Variants in SLC27A2 observed in about 807,000 individuals in gnomAD.
SLC27A2 encodes the protein solute carrier family 27 member 2, also known as long-chain fatty acid transport protein 2.
Under a neutral mutation model 60.0 loss-of-function variants are expected in SLC27A2, and 54 were observed. The ratio of observed to expected loss-of-function variants is 0.90; its 90% CI spans 0.72 to 1.13. The LOEUF is 1.13. Among genes scored for constraint, SLC27A2 ranks in the 50% most tolerant of loss-of-function variants. The pLI is 0.00. For missense variants in SLC27A2, 739 were observed against 777.6 expected (o/e 0.95, Z 0.59); for synonymous variants, 297 against 297.6 (o/e 1.00, Z 0.02).
rs764669140 is a variant in SLC27A2 at position 50,202,454 on chromosome 15, T to C, written c.689-33T>C. 31 of 1,611,816 alleles carry C rather than the reference T, an allele frequency of 1.9e-5. 1 individual carries two copies. In the South Asian group the frequency reaches 3.4e-4, roughly 18 times the overall value. On this transcript the variant is annotated intron_variant, in intron 2 of 9. Coordinates refer to ENST00000267842, the MANE Select transcript of SLC27A2 (RefSeq NM_003645.4). ...CTACACTGTAAATGCCCAATCTTGG[T>C]TAACTCATGCCTTCTCTTGTATATT...
In SLC27A2 at chr15:50,205,340, C is replaced by A. The variant is rs764110560; in HGVS notation, c.949C>A (p.Arg317=). 3 of 1,607,432 alleles carry A rather than the reference C, an allele frequency of 1.9e-6. No individual in the cohort carries two copies. The highest frequency in any genetic ancestry group is 2.6e-6 in the Non-Finnish European group (3 of 1,175,826). ...CATTCAGTATATCGGTGAACTGCTT[C>A]GGTATTTATGCAACTCACCACAGGT... ...TVIQYIGELL[R]YLCNSPQKPN... is the part of the protein sequence containing the mutation. The change falls in exon 4 of 10, where the codon CGG becomes AGG. Residue 317 remains arginine, a synonymous_variant. Transcript: ENST00000267842.
Position 50,223,208 on chromosome 15 carries a change from A to G in SLC27A2, c.1167+49A>G, listed in dbSNP as rs780561614. On this transcript the variant is annotated intron_variant, in intron 5 of 9. Transcript: ENST00000267842. ...CATACGTAGCCAGTTTTCAGAATAC[A>G]GAGACTTCTTAAAAGCCAAGTCATG... The G allele has an allele frequency of 2.8e-6, 4 of 1,405,872 alleles. No homozygotes were observed. The African/African-American group carries it at 5.7e-5, about 20-fold the overall frequency. 87.1% of individuals were successfully genotyped at this position (1,405,872 alleles called of 1,614,324 possible).
rs748178970 is a variant in SLC27A2 at position 50,197,651 on chromosome 15, G to C, written c.630G>C (p.Trp210Cys). 2 of 1,614,060 alleles carry C rather than the reference G, an allele frequency of 1.2e-6. No individual in the cohort carries two copies. Among genetic ancestry groups the C allele is most frequent in the Non-Finnish European group, 1.7e-6 (2 of 1,179,986 alleles). ...CAACTGAACCTATCCCAGAGTCATG[G>C]AGGTCTGAAGTCACTTTTTCCACTC... ...EVSTEPIPES[W>C]RSEVTFSTPA... Residue 210 changes from tryptophan (W) to cysteine (C), a missense_variant, in exon 2 of 10, where the codon TGG becomes TGC. Coordinates refer to ENST00000267842, the MANE Select transcript of SLC27A2 (RefSeq NM_003645.4).
At chr15:50,215,896 A>C (rs925502153) in intron 4 of SLC27A2, among the ~76,000 whole-genome samples, 1 of 152,194 alleles carries the variant, frequency 6.6e-6, no homozygotes, top group Non-Finnish European at 1.5e-5. Context: ...CTAGACATTG[A>C]CTTAGGCAAG....
chr15:50,196,292 T>C (rs1408629465), intron 1 of SLC27A2, among the ~76,000 whole-genome samples: 1 of 151,002 alleles, frequency 6.6e-6, no homozygotes, highest in East Asian at 1.9e-4. Flanking sequence ...GAAATACTTT[T>C]GTGCGTGACC....
intron 8 of SLC27A2, among the ~76,000 whole-genome samples, chr15:50,229,304 T>C (rs796790048): frequency 3.7e-4 from 56 of 152,330 alleles, no homozygotes; most frequent in African/African-American, 1.3e-3. Context: ...GGGAGCTCCA[T>C]GCCACATTTG....
intron 4 of SLC27A2, among the ~76,000 whole-genome samples, chr15:50,215,882 C>G (rs1347819893): frequency 1.3e-5 from 2 of 152,130 alleles, no homozygotes; most frequent in Admixed American, 1.3e-4. Flanking sequence ...TTGGAAAAAC[C>G]CTTCTAGACA....
intron 8 of SLC27A2, among the ~76,000 whole-genome samples, chr15:50,232,230 G>C (rs1273741344): frequency 6.6e-6 from 1 of 152,164 alleles, no homozygotes; most frequent in East Asian, 1.9e-4. Flanking sequence ...GGCCTGGAGA[G>C]GAGTTCACTT....
chr15:50,201,764 C>T lies in SLC27A2; in HGVS notation c.689-723C>T, dbSNP rs575863298. ...TAGAGACGGGGTTTCACCATGTTAGCCAGGATGGTCTTGATCTCCTGACCT... is the reference window on the plus strand; with the variant it reads ...TAGAGACGGGGTTTCACCATGTTAGTCAGGATGGTCTTGATCTCCTGACCT... On this transcript the variant is annotated intron_variant, in intron 2 of 9. Coordinates refer to ENST00000267842, the MANE Select transcript of SLC27A2 (RefSeq NM_003645.4). Among the ~76,000 whole-genome samples, 8 of 152,130 alleles carry T rather than the reference C, an allele frequency of 5.3e-5. No individual in the cohort carries two copies. In the South Asian group the frequency reaches 1.7e-3, roughly 32 times the overall value.
chr15:50,214,891 C>T (rs555247729), intron 4 of SLC27A2, among the ~76,000 whole-genome samples: 77 of 152,226 alleles, frequency 5.1e-4, no homozygotes, highest in African/African-American at 1.9e-3. Context: ...AGCATTCCCC[C>T]TGAGAACTGG....
chr15:50,196,124 ATG>A, intron 1 of SLC27A2, among the ~76,000 whole-genome samples: 2 of 101,990 alleles, frequency 2.0e-5, no homozygotes, highest in Non-Finnish European at 3.9e-5. Context: ...ATATATATAT[ATG>A]TATGTACATT....
chr15:50,186,793 C>T lies in SLC27A2; in HGVS notation c.478+3888C>T, dbSNP rs116675140. 1.0e-3 allele frequency among the ~76,000 whole-genome samples: 156 copies of T among 152,318 alleles called. 1 individual carries two copies. Among genetic ancestry groups the T allele is most frequent in the African/African-American group, 3.6e-3 (150 of 41,574 alleles). On this transcript the variant is annotated intron_variant, in intron 1 of 9. Transcript: ENST00000267842. The stretch of plus-strand genomic sequence containing the variant: ...GCCTAGAGGGATGATATGAATTGCC[C>T]ATGATCAAGTGGATAGTTAGGAACA...
At chr15:50,223,368 G>A (rs2045257759) in intron 5 of SLC27A2, among the ~76,000 whole-genome samples, 1 of 152,172 alleles carries the variant, frequency 6.6e-6, no homozygotes, top group Admixed American at 6.5e-5. Context: ...CTTCTATTAA[G>A]AACAATCCAT....
At chr15:50,231,487 TTTATG>T (rs1197584137) in intron 8 of SLC27A2, among the ~76,000 whole-genome samples, 2 of 152,006 alleles carry the variant, frequency 1.3e-5, no homozygotes, top group Non-Finnish European at 2.9e-5. Flanking sequence ...AATGATAAAT[TTTATG>T]TTATGTGTTT....
At chr15:50,218,060 CAAAAAAAAAAAAA>C (rs34661754) in intron 4 of SLC27A2, among the ~76,000 whole-genome samples, 2 of 63,898 alleles carry the variant, frequency 3.1e-5, no homozygotes, top group African/African-American at 1.4e-4. Context: ...GACTCTGTCT[CAAAAAAAAAAAAA>C]AAAAAAAAAA....
In SLC27A2 at chr15:50,223,236, G is replaced by A. The variant is rs878987872; in HGVS notation, c.1167+77G>A. 1.6e-5 allele frequency: 17 copies of A among 1,077,506 alleles called. No homozygotes were observed. In the South Asian group the frequency reaches 2.5e-4, roughly 16 times the overall value. 66.7% of individuals were successfully genotyped at this position (1,077,506 alleles called of 1,614,324 possible). ...GACTTCTTAAAAGCCAAGTCATGATGATGTTATCAGAAGTCAGGCAGCATC... is the reference window on the plus strand; with the variant it reads ...GACTTCTTAAAAGCCAAGTCATGATAATGTTATCAGAAGTCAGGCAGCATC... On this transcript the variant is annotated intron_variant, in intron 5 of 9. Coordinates refer to ENST00000267842, the MANE Select transcript of SLC27A2 (RefSeq NM_003645.4).
intron 1 of SLC27A2, among the ~76,000 whole-genome samples, chr15:50,189,599 T>G (rs2044957101): frequency 6.6e-6 from 1 of 152,226 alleles, no homozygotes; most frequent in Non-Finnish European, 1.5e-5. Context: ...ACTAGCACTT[T>G]GCTGGCATAT....
At chr15:50,232,764 AAG>A (rs1224513477) in intron 8 of SLC27A2, among the ~76,000 whole-genome samples, 1 of 152,236 alleles carries the variant, frequency 6.6e-6, no homozygotes, top group African/African-American at 2.4e-5. Flanking sequence ...ACCCTAAACT[AAG>A]AGGATCTGGT....
intron 8 of SLC27A2, among the ~76,000 whole-genome samples, chr15:50,229,512 C>T (rs7175274): frequency 0.15 from 22,083 of 152,142 alleles, 1,659 homozygotes; most frequent in Middle Eastern, 0.18. Context: ...CACACAAGAA[C>T]GTTGTCACCG....
Sources: allele counts gnomAD v4.1 joint callset (sites outside exome capture counted in the v4.1 genomes callset), GRCh38; gene constraint gnomAD v4.1.1; transcripts MANE v1.5; gene names NCBI Gene and HGNC (gene_info 2026-07-23, HGNC 2026-07-21).